The following DAB1 variants were observed in gnomAD, a reference collection of about 807,000 sequenced individuals.
The protein encoded by DAB1 is disabled homolog 1.
In DAB1, 15 loss-of-function variants were observed where a neutral mutation model predicts 64.6. That is an observed-to-expected ratio of 0.23 (90% confidence interval 0.16 to 0.36). The LOEUF is 0.36. Among genes scored for constraint, DAB1 ranks in the 10% least tolerant of loss-of-function variants. The probability of loss-of-function intolerance (pLI) is 1.00; values close to 1 mark genes in which losing one functional copy is unlikely to be tolerated. For synonymous variants in DAB1, 235 were observed against 251.9 expected (o/e 0.93, Z 0.64); for missense variants, 596 against 706.7 (o/e 0.84, Z 1.78).
chr1:57,285,173 GA>G, intron 2 of DAB1, among the ~76,000 whole-genome samples: 1 of 152,340 alleles, frequency 6.6e-6, no homozygotes, highest in East Asian at 1.9e-4. Context: ...ATTTCAGAAA[GA>G]AGAGGACAGA....
At chr1:57,304,432 C>G (rs544725799) in intron 1 of DAB1, among the ~76,000 whole-genome samples, 2 of 151,244 alleles carry the variant, frequency 1.3e-5, no homozygotes, top group African/African-American at 2.4e-5. Context: ...AACTATACCA[C>G]TGTTATCTGG....
chr1:57,740,994 A>G (rs558334177), intron 6 of DAB1, among the ~76,000 whole-genome samples: 1 of 152,248 alleles, frequency 6.6e-6, no homozygotes, highest in East Asian at 1.9e-4. Flanking sequence ...TTGAAGGATG[A>G]AACTGATTCA....
At chr1:58,414,532 G>GT (rs1417333228) in intron 3 of DAB1, among the ~76,000 whole-genome samples, 2 of 152,276 alleles carry the variant, frequency 1.3e-5, no homozygotes, top group East Asian at 3.9e-4. Context: ...CTGACATACA[G>GT]TAAGTGTTTC....
intron 4 of DAB1, among the ~76,000 whole-genome samples, chr1:58,310,636 C>T (rs1046085777): frequency 2.0e-5 from 3 of 152,096 alleles, no homozygotes; most frequent in Non-Finnish European, 2.9e-5. Flanking sequence ...CACAGACTGC[C>T]CAGTTGCTCA....
At chr1:57,821,596 G>T (rs1261229773), downstream of DAB1, among the ~76,000 whole-genome samples, 1 of 152,204 alleles carries the variant, frequency 6.6e-6, no homozygotes, top group Non-Finnish European at 1.5e-5. Context: ...GGGTTATCAA[G>T]CTTACCTGGA....
At chr1:57,319,355 T>C (rs1408794988) in intron 1 of DAB1, among the ~76,000 whole-genome samples, 1 of 151,362 alleles carries the variant, frequency 6.6e-6, no homozygotes, top group Non-Finnish European at 1.5e-5. Context: ...GCTGCAAACA[T>C]GAACAAATCG....
At chr1:58,362,166 C>T (rs1018441930) in intron 3 of DAB1, among the ~76,000 whole-genome samples, 3 of 152,146 alleles carry the variant, frequency 2.0e-5, no homozygotes, top group African/African-American at 7.2e-5. Context: ...AGAAACTGCT[C>T]CATCCCAGTC....
chr1:58,160,817 A>G (rs1288701839), intron 4 of DAB1, among the ~76,000 whole-genome samples: 1 of 152,176 alleles, frequency 6.6e-6, no homozygotes, highest in Non-Finnish European at 1.5e-5. Flanking sequence ...ACTGGGCCCC[A>G]AGACTCCTAC....
chr1:58,224,536 A>T (rs997066103), intron 4 of DAB1, among the ~76,000 whole-genome samples: 7 of 152,202 alleles, frequency 4.6e-5, no homozygotes, highest in Admixed American at 4.6e-4. Context: ...GCAACTATCA[A>T]TCTCTTCCAA....
intron 3 of DAB1, among the ~76,000 whole-genome samples, chr1:58,456,249 T>C (rs1645191871): frequency 6.6e-6 from 1 of 152,200 alleles, no homozygotes; most frequent in Admixed American, 6.5e-5. Context: ...AGGAGAGAAC[T>C]GAAGCACAGA....
chr1:58,264,224 A>G (rs866631432), intron 4 of DAB1, among the ~76,000 whole-genome samples: 1 of 152,254 alleles, frequency 6.6e-6, no homozygotes, highest in Non-Finnish European at 1.5e-5. Flanking sequence ...TGCTCAGCAC[A>G]GAGTCTGCAA....
chr1:57,997,788 A>C (rs1342344987), intron 5 of DAB1, among the ~76,000 whole-genome samples: 1 of 152,016 alleles, frequency 6.6e-6, no homozygotes. Context: ...TCCAGATAAC[A>C]ACCTCGTTGC....
chr1:58,023,946 T>C (rs1293555322), intron 5 of DAB1, among the ~76,000 whole-genome samples: 4 of 152,176 alleles, frequency 2.6e-5, no homozygotes, highest in African/African-American at 7.2e-5. Flanking sequence ...GTAATGTAGA[T>C]ATATTTCAAG....
At chr1:58,167,756 C>T (rs1020334299) in intron 4 of DAB1, among the ~76,000 whole-genome samples, 3 of 152,130 alleles carry the variant, frequency 2.0e-5, no homozygotes, top group Admixed American at 6.6e-5. Flanking sequence ...TAAACAACTC[C>T]GGACGCACCA....
chr1:57,020,579 C>G (rs1054687967), intron 11 of DAB1, among the ~76,000 whole-genome samples: 2 of 152,082 alleles, frequency 1.3e-5, no homozygotes, highest in Non-Finnish European at 2.9e-5. Context: ...AAGACCTAAA[C>G]TTTATTACAG....
chr1:58,005,286 G>A (rs1332688543), intron 5 of DAB1, among the ~76,000 whole-genome samples: 2 of 152,106 alleles, frequency 1.3e-5, no homozygotes, highest in African/African-American at 4.8e-5. Context: ...CTGGGGGAAA[G>A]AGGAGGCACT....
At chr1:57,799,283 T>C (rs563792623) in intron 6 of DAB1, among the ~76,000 whole-genome samples, 1 of 152,308 alleles carries the variant, frequency 6.6e-6, no homozygotes, top group South Asian at 2.1e-4. Flanking sequence ...GTGAATGGGC[T>C]CCTTTGTACA....
chr1:58,153,604 T>A (rs1487200303), intron 4 of DAB1, among the ~76,000 whole-genome samples: 2 of 152,132 alleles, frequency 1.3e-5, no homozygotes, highest in African/African-American at 4.8e-5. Flanking sequence ...CAAAAAAAGC[T>A]GAAGCTGAAC....
At position 57,517,457 on chromosome 1, in the gene DAB1, TA is replaced by T. The variant is rs1253898925; in HGVS notation, n.625+132134del. Reference sequence around the variant, plus strand: ...AGTGTCTTCCACACAGTAGGTATCATAAATGTTTGCTGAAAATAAGTGAATT... The same window carrying T: ...AGTGTCTTCCACACAGTAGGTATCATAATGTTTGCTGAAAATAAGTGAATT... On this transcript the variant is annotated intron_variant and non_coding_transcript_variant, in intron 7 of 20. Transcript: ENST00000485760. 2.0e-5 allele frequency among the ~76,000 whole-genome samples: 3 copies of T among 152,288 alleles called. No homozygotes were observed. The East Asian group carries it at 5.8e-4, about 29-fold the overall frequency.
Sources: allele counts gnomAD v4.1 joint callset (sites outside exome capture counted in the v4.1 genomes callset), GRCh38; gene constraint gnomAD v4.1.1; transcripts MANE v1.5; gene names NCBI Gene and HGNC (gene_info 2026-07-23, HGNC 2026-07-21).